NYAP2: variants seen among roughly 807,000 people sequenced by gnomAD.
NYAP2 encodes the protein neuronal tyrosine-phosphorylated phosphoinositide-3-kinase adaptor 2, also known as neuronal tyrosine-phosphorylated phosphoinositide-3-kinase adapter 2.
NYAP2 carries 23 observed loss-of-function variants against 50.4 expected under a neutral mutation model. The ratio of observed to expected loss-of-function variants is 0.46; its 90% CI spans 0.33 to 0.65. The LOEUF (loss-of-function observed/expected upper bound fraction) is 0.65, where lower values mean the gene tolerates loss of function less well. Among genes scored for constraint, NYAP2 ranks in the 30% least tolerant of loss-of-function variants. The pLI, the probability that NYAP2 is intolerant of heterozygous loss-of-function variation, is 0.02. For missense variants in NYAP2, 885 were observed against 861.0 expected (o/e 1.03, Z -0.35); for synonymous variants, 394 against 365.2 (o/e 1.08, Z -0.90).
At chr2:225,470,442 A>G (rs1689995735) in intron 3 of NYAP2, among the ~76,000 whole-genome samples, 1 of 152,212 alleles carries the variant, frequency 6.6e-6, no homozygotes, top group Non-Finnish European at 1.5e-5. Flanking sequence ...TATATGGTAT[A>G]TGGGCATACA....
At chr2:225,450,845 A>G (rs1045461543) in intron 3 of NYAP2, among the ~76,000 whole-genome samples, 1 of 152,194 alleles carries the variant, frequency 6.6e-6, no homozygotes, top group African/African-American at 2.4e-5. Flanking sequence ...GTCTTGCTTC[A>G]CAGTCCTGAT....
rs887578166 is a variant in NYAP2, at chr2:225,556,202, C to A, written c.524-25739C>A. ...TTTTCTTTAAAGTAAACTTTCTCTT[C>A]TGAGAAGCATTCCCTTAAGTGGACA... is the stretch of plus-strand genomic sequence containing the variant. On this transcript the variant is annotated intron_variant, in intron 4 of 6. Coordinates refer to ENST00000636099, the Ensembl canonical transcript of NYAP2. Among the ~76,000 whole-genome samples, 49 of 152,104 alleles carry A rather than the reference C, an allele frequency of 3.2e-4. 1 individual carries two copies. Among genetic ancestry groups the A allele is most frequent in the Admixed American group, 1.6e-3 (25 of 15,256 alleles).
chr2:225,488,346 A>G (rs1034867989), intron 3 of NYAP2, among the ~76,000 whole-genome samples: 5 of 152,212 alleles, frequency 3.3e-5, no homozygotes, highest in Non-Finnish European at 7.3e-5. Context: ...AGCCAATCAC[A>G]TAAACATAAC....
At chr2:225,398,672 A>G (rs1019442918), upstream of NYAP2, among the ~76,000 whole-genome samples, 4 of 151,344 alleles carry the variant, frequency 2.6e-5, no homozygotes, top group Non-Finnish European at 5.9e-5. Flanking sequence ...GGATAGGGGG[A>G]AGAGAATATG....
At chr2:225,545,242 G>A (rs766938996) in intron 4 of NYAP2, among the ~76,000 whole-genome samples, 1 of 152,154 alleles carries the variant, frequency 6.6e-6, no homozygotes, top group Non-Finnish European at 1.5e-5. Flanking sequence ...TGTTTGGGAA[G>A]TTCTCGGACA....
At chr2:225,537,040 A>G (rs1379698928) in intron 4 of NYAP2, among the ~76,000 whole-genome samples, 6 of 151,996 alleles carry the variant, frequency 3.9e-5, no homozygotes, top group Non-Finnish European at 1.5e-5. Context: ...GGCTTCCCAA[A>G]GTGCTGGGAT....
chr2:225,473,724 A>G (rs1215812532), intron 3 of NYAP2, among the ~76,000 whole-genome samples: 15 of 152,048 alleles, frequency 9.9e-5, no homozygotes, highest in Non-Finnish European at 1.8e-4. Context: ...TTGTCAGATG[A>G]GTAGATTGCA....
At chr2:225,468,764 A>G (rs988386530) in intron 3 of NYAP2, among the ~76,000 whole-genome samples, 1 of 152,222 alleles carries the variant, frequency 6.6e-6, no homozygotes, top group Non-Finnish European at 1.5e-5. Flanking sequence ...CAGAGGAGGA[A>G]TAAGTCACTG....
At chr2:225,486,710 C>T (rs1440856411) in intron 3 of NYAP2, among the ~76,000 whole-genome samples, 1 of 152,124 alleles carries the variant, frequency 6.6e-6, no homozygotes, top group Non-Finnish European at 1.5e-5. Context: ...CCCATCAGGG[C>T]CTACTTTGTA....
intron 4 of NYAP2, among the ~76,000 whole-genome samples, chr2:225,534,643 A>C (rs1559207245): frequency 6.6e-6 from 1 of 152,218 alleles, no homozygotes; most frequent in Non-Finnish European, 1.5e-5. Context: ...CATCATCTTG[A>C]TATTTGAGCT....
At chr2:225,553,142 G>A (rs531899706) in intron 4 of NYAP2, among the ~76,000 whole-genome samples, 2 of 152,314 alleles carry the variant, frequency 1.3e-5, no homozygotes, top group South Asian at 2.1e-4. Flanking sequence ...GAGCTCTGAC[G>A]GGACGTCCCT....
At chr2:225,543,349 A>T (rs1429268242) in intron 4 of NYAP2, among the ~76,000 whole-genome samples, 1 of 151,602 alleles carries the variant, frequency 6.6e-6, no homozygotes, top group Non-Finnish European at 1.5e-5. Flanking sequence ...ATCTTTAGGT[A>T]ATTTATTTGA....
intron 3 of NYAP2, among the ~76,000 whole-genome samples, chr2:225,464,688 G>A (rs1256623753): frequency 6.6e-6 from 1 of 152,196 alleles, no homozygotes; most frequent in Non-Finnish European, 1.5e-5. Flanking sequence ...TACAGGCTAT[G>A]GGAAAGCAAT....
intron 3 of NYAP2, among the ~76,000 whole-genome samples, chr2:225,501,967 C>T (rs1166175398): frequency 6.6e-6 from 1 of 151,876 alleles, no homozygotes; most frequent in East Asian, 1.9e-4. Flanking sequence ...AAGGCAGGAA[C>T]ATGTTCCATT....
intron 6 of NYAP2, among the ~76,000 whole-genome samples, chr2:225,631,900 C>A (rs769328560): frequency 2.0e-4 from 31 of 152,164 alleles, no homozygotes; most frequent in Non-Finnish European, 4.3e-4. Flanking sequence ...TCACTGAAAC[C>A]TCCGCCTCCT....
chr2:225,415,555 A>T (rs920455849), intron 3 of NYAP2, among the ~76,000 whole-genome samples: 8 of 152,138 alleles, frequency 5.3e-5, no homozygotes, highest in Non-Finnish European at 1.2e-4. Context: ...GTGGCAGTAG[A>T]CTTTGTGGAA....
At chr2:225,496,381 T>C (rs1013584377) in intron 3 of NYAP2, among the ~76,000 whole-genome samples, 9 of 152,202 alleles carry the variant, frequency 5.9e-5, no homozygotes, top group Admixed American at 3.3e-4. Flanking sequence ...TATTTAACAC[T>C]GTGTCTCATG....
At chr2:225,610,924 C>A (rs995713390) in intron 5 of NYAP2, among the ~76,000 whole-genome samples, 3 of 152,140 alleles carry the variant, frequency 2.0e-5, no homozygotes, top group African/African-American at 4.8e-5. Flanking sequence ...AGTTATTTAA[C>A]AATAGAACCA....
intron 6 of NYAP2, among the ~76,000 whole-genome samples, chr2:225,633,049 G>T (rs115066910): frequency 0.032 from 4,906 of 152,228 alleles, 248 homozygotes; most frequent in African/African-American, 0.11. Context: ...CTCACATCAG[G>T]ATTATTCTAG....
Sources: gnomAD v4.1 joint callset for allele counts (sites outside exome capture counted in the v4.1 genomes callset) on GRCh38, gnomAD v4.1.1 for gene constraint, MANE v1.5 for transcripts, NCBI Gene and HGNC (gene_info 2026-07-23, HGNC 2026-07-21) for gene names.